The following NRXN1 variants were observed in gnomAD, a reference collection of about 807,000 sequenced individuals.
The protein encoded by NRXN1 is neurexin-1.
Under a neutral mutation model 150.9 loss-of-function variants are expected in NRXN1, and 39 were observed. The observed-to-expected ratio is 0.26, with a 90% CI of 0.20 to 0.34. The LOEUF (loss-of-function observed/expected upper bound fraction) is 0.34. NRXN1 is among the 10% of genes least tolerant of loss of function. The pLI is 1.00. For missense variants in NRXN1, 1,815 were observed against 1,949.9 expected (o/e 0.93, Z 1.30); for synonymous variants, 924 against 757.0 (o/e 1.22, Z -3.62).
At chr2:50,937,841 G>A (rs532028195) in intron 2 of NRXN1, among the ~76,000 whole-genome samples, 9 of 152,194 alleles carry the variant, frequency 5.9e-5, no homozygotes, top group Admixed American at 1.3e-4. Context: ...ATGGGGATAC[G>A]TTTCAAGAAA....
chr2:50,411,908 A>G (rs1558685963), intron 17 of NRXN1, among the ~76,000 whole-genome samples: 1 of 152,228 alleles, frequency 6.6e-6, no homozygotes, highest in Non-Finnish European at 1.5e-5. Context: ...GAGAGATCAG[A>G]TTGTTACTGT....
At chr2:50,355,031 A>G (rs778140641) in intron 17 of NRXN1, among the ~76,000 whole-genome samples, 4 of 152,158 alleles carry the variant, frequency 2.6e-5, no homozygotes, top group Non-Finnish European at 5.9e-5. Context: ...TCAAACCAGG[A>G]ACCAGAAATC....
chr2:50,689,562 C>T (rs1418397312), intron 5 of NRXN1, among the ~76,000 whole-genome samples: 2 of 152,070 alleles, frequency 1.3e-5, no homozygotes, highest in Middle Eastern at 3.2e-3. Flanking sequence ...AGTCTTTGGT[C>T]TATATTTTTA....
At chr2:50,754,858 A>G (rs1700993601) in intron 5 of NRXN1, among the ~76,000 whole-genome samples, 1 of 151,936 alleles carries the variant, frequency 6.6e-6, no homozygotes, top group African/African-American at 2.4e-5. Context: ...TATAGAAACT[A>G]GAATTTATTT....
intron 18 of NRXN1, among the ~76,000 whole-genome samples, chr2:50,153,317 T>C (rs766119380): frequency 1.4e-4 from 21 of 151,772 alleles, no homozygotes; most frequent in African/African-American, 5.1e-4. Flanking sequence ...AAGTTTGCCA[T>C]CTGGTTTTTC....
chr2:50,462,392 G>C (rs1374283957), intron 17 of NRXN1, among the ~76,000 whole-genome samples: 4 of 151,636 alleles, frequency 2.6e-5, no homozygotes, highest in African/African-American at 9.7e-5. Flanking sequence ...ATTTAAACTA[G>C]GAAGAATAGA....
chr2:49,965,335 C>T lies in NRXN1; in HGVS notation c.4129-21544G>A, dbSNP rs187097296. Among the ~76,000 whole-genome samples, 326 of 151,988 alleles carry T rather than the reference C, an allele frequency of 2.1e-3. 1 individual carries two copies. The highest frequency in any genetic ancestry group is 7.5e-3 in the African/African-American group (312 of 41,406). ...AGGCTGGAGTGTAATGGCTCCATCTCGGCTCACTGCAACCTCCGCCTCCCA... is the reference window on the plus strand; with the variant it reads ...AGGCTGGAGTGTAATGGCTCCATCTTGGCTCACTGCAACCTCCGCCTCCCA... On this transcript the variant is annotated intron_variant, in intron 21 of 22. Transcript: ENST00000401669.
At chr2:50,270,783 C>A (rs1482293312) in intron 17 of NRXN1, among the ~76,000 whole-genome samples, 7 of 151,890 alleles carry the variant, frequency 4.6e-5, no homozygotes, top group African/African-American at 1.7e-4. Context: ...AATTCTCCTG[C>A]CTCAGCTTAC....
chr2:50,345,983 A>G (rs1313821594), intron 17 of NRXN1, among the ~76,000 whole-genome samples: 1 of 152,220 alleles, frequency 6.6e-6, no homozygotes, highest in African/African-American at 2.4e-5. Context: ...CTAATTACCA[A>G]GAAAAAGACA....
intron 2 of NRXN1, among the ~76,000 whole-genome samples, chr2:51,013,151 G>T (rs1668148031): frequency 6.6e-6 from 1 of 152,002 alleles, no homozygotes; most frequent in South Asian, 2.1e-4. Flanking sequence ...GAAGTGCAAG[G>T]TGAGTCTGCA....
chr2:49,994,790 C>A (rs1273067106), intron 21 of NRXN1, among the ~76,000 whole-genome samples: 1 of 152,172 alleles, frequency 6.6e-6, no homozygotes, highest in African/African-American at 2.4e-5. Flanking sequence ...AGAAAGTATT[C>A]TGCTTTTTGT....
chr2:50,137,757 T>C (rs1214657552), intron 18 of NRXN1, among the ~76,000 whole-genome samples: 4 of 152,160 alleles, frequency 2.6e-5, no homozygotes, highest in Non-Finnish European at 5.9e-5. Flanking sequence ...AAGTAAAAGA[T>C]ATGGTAGGAT....
chr2:50,844,999 G>A (rs1031693937), intron 5 of NRXN1, among the ~76,000 whole-genome samples: 5 of 151,980 alleles, frequency 3.3e-5, no homozygotes, highest in African/African-American at 1.2e-4. Flanking sequence ...GACCACAGGT[G>A]CACATCATCT....
chr2:50,702,164 C>T (rs571484241), intron 5 of NRXN1, among the ~76,000 whole-genome samples: 113 of 152,146 alleles, frequency 7.4e-4, no homozygotes, highest in Middle Eastern at 6.8e-3. Context: ...TAGAAATTCA[C>T]CGTGTCCATT....
In NRXN1 at chr2:50,026,751, C is replaced by T. The variant is rs535944967; in HGVS notation, c.4128+26520G>A. The stretch of plus-strand genomic sequence containing the variant: ...ATTATGGCCCTGAGAATATATCACC[C>T]GAAAATGAAGCATGAAAAACAAGAC... On this transcript the variant is annotated intron_variant, in intron 21 of 22. Coordinates refer to ENST00000401669, the MANE Select transcript of NRXN1 (RefSeq NM_001330078.2). Among the ~76,000 whole-genome samples the T allele has an allele frequency of 3.4e-3, 508 of 150,992 alleles. 6 individuals carry two copies. The highest frequency in any genetic ancestry group is 0.022 in the South Asian group (104 of 4,772).
intron 5 of NRXN1, among the ~76,000 whole-genome samples, chr2:50,783,377 TC>T (rs947027103): frequency 5.3e-5 from 8 of 152,236 alleles, no homozygotes; most frequent in African/African-American, 1.9e-4. Context: ...TACCTGGGGA[TC>T]CTTCTGCTAA....
At chr2:50,008,780 T>C (rs533373191) in intron 21 of NRXN1, among the ~76,000 whole-genome samples, 4 of 152,076 alleles carry the variant, frequency 2.6e-5, no homozygotes, top group Non-Finnish European at 5.9e-5. Context: ...GAGTTTTCTT[T>C]CTGATCTGCT....
chr2:50,553,931 G>GT (rs1012520996), intron 8 of NRXN1, among the ~76,000 whole-genome samples: 13 of 152,144 alleles, frequency 8.5e-5, no homozygotes, highest in African/African-American at 3.1e-4. Flanking sequence ...AAATTCAAAG[G>GT]TATTTTGACA....
chr2:50,007,846 C>A (rs1685019811), intron 21 of NRXN1, among the ~76,000 whole-genome samples: 1 of 151,898 alleles, frequency 6.6e-6, no homozygotes, highest in African/African-American at 2.4e-5. Context: ...TACACTCCCA[C>A]CAACAGTGTA....
Sources: allele counts gnomAD v4.1 joint callset (sites outside exome capture counted in the v4.1 genomes callset), GRCh38; gene constraint gnomAD v4.1.1; transcripts MANE v1.5; gene names NCBI Gene and HGNC (gene_info 2026-07-23, HGNC 2026-07-21).